XNDC1N: variants seen among roughly 807,000 people sequenced by gnomAD.
XNDC1N encodes the protein XRCC1 N-terminal domain containing 1, N-terminal like.
chr11:71,898,584 G>A, the XNDC1N span, among the ~76,000 whole-genome samples: 1 of 152,210 alleles, frequency 6.6e-6, no homozygotes, highest in Non-Finnish European at 1.5e-5. Flanking sequence ...TCCAGCCGGG[G>A]TGACAGAGAA....
At chr11:71,923,678 C>T in the XNDC1N span, among the ~76,000 whole-genome samples, 1 of 151,948 alleles carries the variant, frequency 6.6e-6, no homozygotes, top group Non-Finnish European at 1.5e-5. Flanking sequence ...GCTTCAGCCT[C>T]CCAAGTAGCA....
At chr11:71,906,141 A>G in the XNDC1N span, among the ~76,000 whole-genome samples, 3 of 151,916 alleles carry the variant, frequency 2.0e-5, no homozygotes, top group Non-Finnish European at 4.4e-5. Flanking sequence ...TGTGACATTA[A>G]GAGTGACATC....
the XNDC1N span, among the ~76,000 whole-genome samples, chr11:71,909,054 G>A: frequency 6.6e-6 from 1 of 152,170 alleles, no homozygotes; most frequent in African/African-American, 2.4e-5. Flanking sequence ...ACTGTGTGAG[G>A]TCTATCGTAT....
the XNDC1N span, among the ~76,000 whole-genome samples, chr11:71,879,109 A>G: frequency 6.6e-6 from 1 of 152,162 alleles, no homozygotes; most frequent in Non-Finnish European, 1.5e-5. Flanking sequence ...GAAAAATGAA[A>G]AGCGAATGAA....
At chr11:71,895,343 C>G in the XNDC1N span, among the ~76,000 whole-genome samples, 1 of 151,844 alleles carries the variant, frequency 6.6e-6, no homozygotes, top group African/African-American at 2.4e-5. Context: ...GAGTTTCACT[C>G]TTGTTGCCCA....
the XNDC1N span, among the ~76,000 whole-genome samples, chr11:71,887,068 G>T: frequency 1.3e-5 from 2 of 152,346 alleles, no homozygotes; most frequent in African/African-American, 4.8e-5. Flanking sequence ...CCTGGCAGAA[G>T]GGTTCTTGAA....
the XNDC1N span, among the ~76,000 whole-genome samples, chr11:71,872,354 A>G: frequency 6.6e-6 from 1 of 152,230 alleles, no homozygotes; most frequent in Non-Finnish European, 1.5e-5. Flanking sequence ...TTATGCAACA[A>G]TAACTAATAC....
chr11:71,875,353 A>C, the XNDC1N span, among the ~76,000 whole-genome samples: 2,161 of 152,270 alleles, frequency 0.014, 56 homozygotes, highest in African/African-American at 0.05. Flanking sequence ...GTAATGTGTT[A>C]TATCTATTAT....
chr11:71,918,419 C>A, the XNDC1N span, among the ~76,000 whole-genome samples: 1 of 151,968 alleles, frequency 6.6e-6, no homozygotes, highest in African/African-American at 2.4e-5. Context: ...GTAACTGGGA[C>A]TACAGGTGTG....
the XNDC1N span, among the ~76,000 whole-genome samples, chr11:71,902,504 A>G: frequency 6.6e-6 from 1 of 152,222 alleles, no homozygotes; most frequent in Non-Finnish European, 1.5e-5. Context: ...CTTTCTGATG[A>G]AAACTCTAAG....
the XNDC1N span, chr11:71,927,521 A>G: frequency 6.6e-6 from 1 of 151,050 alleles, no homozygotes; most frequent in Non-Finnish European, 1.5e-5. Flanking sequence ...ACACCGTTTC[A>G]AAGAAAAAAA....
the XNDC1N span, chr11:71,923,221 G>A: frequency 1.1e-3 from 790 of 696,392 alleles, 7 homozygotes; most frequent in African/African-American, 0.013. Flanking sequence ...ATTAGATTGG[G>A]AGTTTCCTGA....
chr11:71,901,609 A>C, the XNDC1N span, among the ~76,000 whole-genome samples: 2 of 151,574 alleles, frequency 1.3e-5, no homozygotes, highest in African/African-American at 4.9e-5. Flanking sequence ...AAAACAACAA[A>C]AACAAAAACA....
At chr11:71,876,283 T>G in the XNDC1N span, among the ~76,000 whole-genome samples, 1 of 152,190 alleles carries the variant, frequency 6.6e-6, no homozygotes, top group African/African-American at 2.4e-5. Context: ...CTGTGACAGC[T>G]TATATTTGAT....
chr11:71,896,942 C>T, the XNDC1N span, among the ~76,000 whole-genome samples: 1 of 152,302 alleles, frequency 6.6e-6, no homozygotes, highest in African/African-American at 2.4e-5. Flanking sequence ...TTTATGTTCA[C>T]ATGATTTTTC....
the XNDC1N span, among the ~76,000 whole-genome samples, chr11:71,922,562 C>T: frequency 5.9e-5 from 9 of 152,182 alleles, no homozygotes; most frequent in African/African-American, 2.2e-4. Context: ...CTTGGGCTCC[C>T]AAAGTGCTGG....
At chr11:71,921,991 C>T in the XNDC1N span, among the ~76,000 whole-genome samples, 4 of 151,988 alleles carry the variant, frequency 2.6e-5, no homozygotes, top group Non-Finnish European at 4.4e-5. Flanking sequence ...GAAACCCCAT[C>T]TCTACTAAAA....
At chr11:71,918,709 T>C in the XNDC1N span, among the ~76,000 whole-genome samples, 1 of 151,556 alleles carries the variant, frequency 6.6e-6, no homozygotes, top group South Asian at 2.1e-4. Flanking sequence ...GCCCTTGGAG[T>C]TCTCCACACA....
chr11:71,879,364 AAT>A, the XNDC1N span, among the ~76,000 whole-genome samples: 1 of 152,324 alleles, frequency 6.6e-6, no homozygotes, highest in Non-Finnish European at 1.5e-5. Context: ...TTAAATAATC[AAT>A]ATGACTTTCC....
Sources: gnomAD v4.1 joint callset for allele counts (sites outside exome capture counted in the v4.1 genomes callset) on GRCh38, gnomAD v4.1.1 for gene constraint, MANE v1.5 for transcripts, NCBI Gene and HGNC (gene_info 2026-07-23, HGNC 2026-07-21) for gene names.